Variants in LCORL observed in about 807,000 individuals in gnomAD.
LCORL encodes the protein ligand-dependent nuclear receptor corepressor-like protein.
Under a neutral mutation model 141.8 loss-of-function variants are expected in LCORL, and 41 were observed. The observed-to-expected ratio is 0.29, with a 90% CI of 0.23 to 0.38. The LOEUF (loss-of-function observed/expected upper bound fraction) is 0.38, where lower values mean the gene tolerates loss of function less well. LCORL is among the 10% of genes least tolerant of loss of function. The probability of loss-of-function intolerance (pLI) is 1.00; values close to 1 mark genes in which losing one functional copy is unlikely to be tolerated. For synonymous variants in LCORL, 618 were observed against 694.1 expected, an observed-to-expected ratio of 0.89 and a Z score of 1.72; for missense variants, 1,759 against 2,035.0, an observed-to-expected ratio of 0.86 and a Z score of 2.61.
intron 4 of LCORL, among the ~76,000 whole-genome samples, chr4:17,958,973 G>C (rs1713235201): frequency 6.6e-6 from 1 of 151,972 alleles, no homozygotes; most frequent in Non-Finnish European, 1.5e-5. Flanking sequence ...ATTAGTTAAA[G>C]TTCACCTTTG....
intron 5 of LCORL, among the ~76,000 whole-genome samples, chr4:17,894,144 CTA>C (rs1729529843): frequency 6.6e-6 from 1 of 152,074 alleles, no homozygotes; most frequent in East Asian, 1.9e-4. Context: ...TATGATGGGG[CTA>C]TGTCTTGATA....
intron 2 of LCORL, among the ~76,000 whole-genome samples, chr4:17,967,393 T>G (rs1227525907): frequency 6.6e-6 from 1 of 152,110 alleles, no homozygotes; most frequent in African/African-American, 2.4e-5. Context: ...AGAGTGACCC[T>G]AATGTAAACT....
At chr4:17,856,818 C>T (rs1724414496) in intron 7 of LCORL, among the ~76,000 whole-genome samples, 1 of 152,168 alleles carries the variant, frequency 6.6e-6, no homozygotes, top group Non-Finnish European at 1.5e-5. Context: ...ATAGGTTATG[C>T]ATTACTTATT....
At chr4:17,850,022 C>A (rs1423413620) in intron 7 of LCORL, among the ~76,000 whole-genome samples, 3 of 151,224 alleles carry the variant, frequency 2.0e-5, no homozygotes, top group Non-Finnish European at 4.4e-5. Flanking sequence ...GAAAAACAAG[C>A]AATGGGGAAG....
At chr4:17,967,206 A>G (rs1412677470) in intron 2 of LCORL, among the ~76,000 whole-genome samples, 4 of 152,192 alleles carry the variant, frequency 2.6e-5, no homozygotes, top group Admixed American at 2.6e-4. Flanking sequence ...TAAAAAAAAC[A>G]AAACTTTAGA....
At chr4:17,861,061 A>G (rs1724952497) in intron 7 of LCORL, among the ~76,000 whole-genome samples, 1 of 152,064 alleles carries the variant, frequency 6.6e-6, no homozygotes, top group African/African-American at 2.4e-5. Context: ...CTTTTGGTGG[A>G]TCTACCATTC....
intron 4 of LCORL, among the ~76,000 whole-genome samples, chr4:17,954,085 C>T (rs1048227799): frequency 6.6e-6 from 1 of 152,128 alleles, no homozygotes; most frequent in Admixed American, 6.5e-5. Context: ...ATGGCATGAA[C>T]CTGGGAGGTG....
intron 4 of LCORL, among the ~76,000 whole-genome samples, chr4:17,916,264 C>T (rs956799897): frequency 1.3e-5 from 2 of 152,202 alleles, no homozygotes; most frequent in African/African-American, 4.8e-5. Context: ...CGCCCATCTC[C>T]TTGGCTGCAG....
chr4:17,993,124 C>A (rs578091150), intron 1 of LCORL, among the ~76,000 whole-genome samples: 1 of 152,164 alleles, frequency 6.6e-6, no homozygotes, highest in Non-Finnish European at 1.5e-5. Flanking sequence ...AGAGCACTAT[C>A]CAATAAAATT....
intron 4 of LCORL, among the ~76,000 whole-genome samples, chr4:17,920,691 G>A (rs995046557): frequency 6.6e-6 from 1 of 152,158 alleles, no homozygotes; most frequent in Non-Finnish European, 1.5e-5. Flanking sequence ...AAGTTTATGC[G>A]ATATTCTAAA....
chr4:18,005,930 A>G (rs529474154), intron 1 of LCORL, among the ~76,000 whole-genome samples: 1 of 152,296 alleles, frequency 6.6e-6, no homozygotes, highest in East Asian at 1.9e-4. Flanking sequence ...GGGGATTAAC[A>G]TTCGGCTCCT....
At chr4:17,892,834 T>C (rs778579246) in intron 5 of LCORL, among the ~76,000 whole-genome samples, 4 of 152,216 alleles carry the variant, frequency 2.6e-5, no homozygotes, top group Non-Finnish European at 5.9e-5. Flanking sequence ...AGTCAGTACC[T>C]ATGAAAAACA....
chr4:18,015,619 G>A (rs1020270230), intron 1 of LCORL, among the ~76,000 whole-genome samples: 14 of 151,934 alleles, frequency 9.2e-5, no homozygotes, highest in Admixed American at 7.9e-4. Context: ...AAAAACAGCT[G>A]TATAAACAAA....
At chr4:17,957,756 T>C (rs558949347) in intron 4 of LCORL, among the ~76,000 whole-genome samples, 1 of 152,094 alleles carries the variant, frequency 6.6e-6, no homozygotes, top group South Asian at 2.1e-4. Flanking sequence ...CACCTCTAAA[T>C]GCAGCTCATA....
chr4:17,849,312 C>A lies in LCORL; in HGVS notation c.5603-3411G>T, dbSNP rs553860033. 7.9e-5 allele frequency among the ~76,000 whole-genome samples: 12 copies of A among 152,312 alleles called. No homozygotes were observed. In the East Asian group the frequency reaches 2.3e-3, roughly 29 times the overall value. On this transcript the variant is annotated intron_variant, in intron 7 of 7. Coordinates refer to ENST00000635767, the Ensembl canonical transcript of LCORL. ...GACTGACACCTCACACGGCCGGGTA[C>A]TCCTCTGAGACAAAACTTCCAGAGG...
At chr4:18,006,065 A>C (rs1162154631) in intron 1 of LCORL, among the ~76,000 whole-genome samples, 1 of 152,156 alleles carries the variant, frequency 6.6e-6, no homozygotes, top group Non-Finnish European at 1.5e-5. Flanking sequence ...TTTAAAACCA[A>C]ATGCCTTTAA....
At position 18,021,718 on chromosome 4, in the gene LCORL, C is replaced by T; in HGVS notation, c.34G>A (p.Ala12Thr). The T allele has an allele frequency of 6.6e-7, 1 of 1,525,786 alleles. No individual in the cohort carries two copies. The highest frequency in any genetic ancestry group is 2.1e-5 in the Admixed American group (1 of 47,148). The allele number at this position is 1,525,786 out of a possible 1,614,324, so 94.5% of individuals were successfully genotyped here. The change falls in exon 1 of 8, where the codon GCC (alanine) becomes ACC (threonine). Residue 12 changes from alanine (A) to threonine (T), a missense_variant. Ala to Thr is a moderately conservative substitution (Grantham distance 58). Transcript: ENST00000635767. The surrounding 1 kb of genome is among the most constrained non-coding windows in gnomAD (Gnocchi z 5.5). ...GCGGCGGCGGCGGCAGCAGCGGCGG[C>T]GGCAGCGGCCATTCTCTCTCTTCCC...
Position 17,963,526 on chromosome 4 carries a change from C to A in LCORL, c.221-477G>T, listed in dbSNP as rs192006767. Among the ~76,000 whole-genome samples the A allele has an allele frequency of 5.3e-3, 798 of 151,854 alleles. 4 individuals are homozygous for A. Among genetic ancestry groups the A allele is most frequent in the Admixed American group, 8.2e-3 (125 of 15,220 alleles). ...GATGCCCAAGAAAACAAGTAAAAGT[C>A]TATAGCTCAAAAGTCAGAACAGATT... is the stretch of plus-strand genomic sequence containing the variant. On this transcript the variant is annotated intron_variant, in intron 2 of 7. Coordinates refer to ENST00000635767, the Ensembl canonical transcript of LCORL.
exon 8 of LCORL, chr4:17,842,565 T>C (rs915603174): frequency 3.6e-6 from 2 of 550,444 alleles, no homozygotes; most frequent in Non-Finnish European, 6.6e-6. Context: ...TTACGGCGTG[T>C]TTGCTTTTGC....
Sources: gnomAD v4.1 joint callset for allele counts (sites outside exome capture counted in the v4.1 genomes callset) on GRCh38, gnomAD v4.1.1 for gene constraint, Gnocchi (gnomAD v3.1) non-coding constraint, MANE v1.5 for transcripts, NCBI Gene and HGNC (gene_info 2026-07-23, HGNC 2026-07-21) for gene names.